The following MAP7D2 variants were observed in gnomAD, a reference collection of about 807,000 sequenced individuals.
The protein encoded by MAP7D2 is MAP7 domain-containing protein 2.
In MAP7D2, 33 loss-of-function variants were observed where a neutral mutation model predicts 63.5. The ratio of observed to expected loss-of-function variants is 0.52; its 90% CI spans 0.39 to 0.70. The LOEUF (loss-of-function observed/expected upper bound fraction) is 0.70. MAP7D2 is among the 30% of genes least tolerant of loss of function. The pLI, the probability that MAP7D2 is intolerant of heterozygous loss-of-function variation, is 0.00. For synonymous variants in MAP7D2, 224 were observed against 223.7 expected (o/e 1.00, Z -0.01); for missense variants, 626 against 604.0 (o/e 1.04, Z -0.38).
At chrX:20,022,675 G>A (rs758260599) in intron 10 of MAP7D2, among the ~76,000 whole-genome samples, 2 of 111,745 alleles carry the variant, frequency 1.8e-5, no homozygotes, top group African/African-American at 3.3e-5. Context: ...TTTTCACTTG[G>A]GTGTCTGAGG....
Position 20,099,235 on chromosome X carries a change from ACTCTCTCT to A in MAP7D2, c.130+17507_130+17514del, listed in dbSNP as rs72039188. ...GTCCTCTGCCACACTGCAAGTTTAT[ACTCTCTCT>A]CTCTCTCTCTCTCTCTCTCTCTCTC... On this transcript the variant is annotated intron_variant, in intron 1 of 16. Transcript: ENST00000379643. Among the ~76,000 whole-genome samples, 678 of 92,835 alleles carry A rather than the reference ACTCTCTCT, an allele frequency of 7.3e-3. 3 individuals are homozygous for A. Among genetic ancestry groups the A allele is most frequent in the Admixed American group, 0.011 (86 of 8,180 alleles). 80.6% of individuals were successfully genotyped at this position (92,835 alleles called of 115,157 possible). A position where few individuals can be genotyped will look rare whatever the true frequency, so the allele number is the denominator to read the frequency against.
intron 3 of MAP7D2, 74 bp downstream of exon 3, chrX:20,063,340 G>A: frequency 8.9e-7 from 1 of 1,119,075 alleles, no homozygotes; most frequent in Non-Finnish European, 1.2e-6. Context: ...CCCAGAGCTG[G>A]GCAGGATGCC....
At chrX:20,091,380 C>T (rs1262257567) in intron 1 of MAP7D2, among the ~76,000 whole-genome samples, 1 of 106,197 alleles carries the variant, frequency 9.4e-6, no homozygotes, top group Non-Finnish European at 1.9e-5. Flanking sequence ...ATAAAAAAAA[C>T]TAGTATTGGC....
intron 10 of MAP7D2, among the ~76,000 whole-genome samples, chrX:20,018,440 C>T (rs1409890314): frequency 1.3e-5 from 1 of 77,419 alleles, no homozygotes; most frequent in Non-Finnish European, 2.3e-5. Context: ...AAATCTTGTC[C>T]TTTTTTTTTT....
chrX:20,049,270 ATTT>A (rs60182799), intron 6 of MAP7D2, among the ~76,000 whole-genome samples: 108 of 81,722 alleles, frequency 1.3e-3, no homozygotes, highest in African/African-American at 3.8e-3. Context: ...ATGTATCTGT[ATTT>A]TTTTTTTTTT....
At chrX:20,084,807 G>A (rs756764283) in intron 1 of MAP7D2, among the ~76,000 whole-genome samples, 1 of 110,960 alleles carries the variant, frequency 9.0e-6, no homozygotes, top group Non-Finnish European at 1.9e-5. Flanking sequence ...GACCTCAAGT[G>A]ATCTATCTAC....
In MAP7D2 at chrX:20,038,070, A is replaced by C. The variant is rs759119849; in HGVS notation, c.1007+4432T>G. Among the ~76,000 whole-genome samples, 95 of 111,823 alleles carry C rather than the reference A, an allele frequency of 8.5e-4. 1 individual carries two copies. The highest frequency in any genetic ancestry group is 4.6e-3 in the Middle Eastern group (1 of 217). On this transcript the variant is annotated intron_variant, in intron 8 of 16. Transcript: ENST00000379643. ...TGAGTGCCCAATCTGCCAGCAGCAG[A>C]GACCAACTCTGAGCCCTCGATATGC...
In MAP7D2 at chrX:20,055,747, G is replaced by C. The variant is rs759924752; in HGVS notation, c.484+933C>G. 9 of 991,279 alleles carry C rather than the reference G, an allele frequency of 9.1e-6. No individual in the cohort carries two copies. The Admixed American group carries it at 1.9e-4, about 21-fold the overall frequency. The allele number at this position is 991,279 out of a possible 1,213,427, so 81.7% of individuals were successfully genotyped here. ...GCTCGGATATACCGTTGGTGGACTC[G>C]GCAGCTGCGGCAGTGGTCCCTGCAT... On this transcript the variant is annotated intron_variant, in intron 4 of 16. Transcript: ENST00000379643.
intron 1 of MAP7D2, among the ~76,000 whole-genome samples, chrX:20,102,671 G>C (rs2066465741): frequency 9.1e-6 from 1 of 109,502 alleles, no homozygotes; most frequent in Non-Finnish European, 1.9e-5. Context: ...TTCTGATACT[G>C]GTGAGGCTCT....
intron 1 of MAP7D2, among the ~76,000 whole-genome samples, chrX:20,107,707 A>G (rs761900628): frequency 8.9e-6 from 1 of 111,877 alleles, no homozygotes; most frequent in Non-Finnish European, 1.9e-5. Context: ...TTAAGATTAC[A>G]TATGTGGCTA....
At chrX:20,104,745 G>C (rs1292372797) in intron 1 of MAP7D2, among the ~76,000 whole-genome samples, 3 of 112,202 alleles carry the variant, frequency 2.7e-5, no homozygotes, top group African/African-American at 9.7e-5. Context: ...AAATTACCCA[G>C]GTACAAGGAA....
chrX:20,071,070 C>G (rs927483901), intron 1 of MAP7D2, among the ~76,000 whole-genome samples: 1 of 112,368 alleles, frequency 8.9e-6, no homozygotes, highest in African/African-American at 3.2e-5. Flanking sequence ...ATGAAGAGCT[C>G]ATCCAATAGG....
chrX:20,084,562 T>TCCCTCCCC (rs1394581332), intron 1 of MAP7D2, among the ~76,000 whole-genome samples: 5 of 23,441 alleles, frequency 2.1e-4, no homozygotes, highest in African/African-American at 7.0e-4. Flanking sequence ...CCTCCCTCCC[T>TCCCTCCCC]CTCTCTCTCT....
At chrX:20,077,311 C>T (rs1201133937) in intron 1 of MAP7D2, among the ~76,000 whole-genome samples, 1 of 111,370 alleles carries the variant, frequency 9.0e-6, no homozygotes, top group Non-Finnish European at 1.9e-5. Flanking sequence ...AAAAATTAGC[C>T]AGGTGTGGTG....
chrX:20,098,328 G>A (rs2066327805), intron 1 of MAP7D2, among the ~76,000 whole-genome samples: 1 of 112,372 alleles, frequency 8.9e-6, no homozygotes, highest in Non-Finnish European at 1.9e-5. Flanking sequence ...CAGATTAAGT[G>A]GGAAATTCTT....
At chrX:20,037,319 G>T (rs764622380) in intron 8 of MAP7D2, among the ~76,000 whole-genome samples, 1 of 111,345 alleles carries the variant, frequency 9.0e-6, no homozygotes, top group African/African-American at 3.3e-5. Flanking sequence ...TACATGATCG[G>T]GCTCGAGCAG....
intron 1 of MAP7D2, among the ~76,000 whole-genome samples, chrX:20,084,133 G>A (rs1040097681): frequency 2.8e-5 from 3 of 107,791 alleles, no homozygotes; most frequent in Non-Finnish European, 3.8e-5. Flanking sequence ...CCCGGGAGGC[G>A]GAGGTTCCAG....
chrX:20,031,291 A>AAAAATAAAATAAAATAAAAT (rs55901756), intron 8 of MAP7D2, among the ~76,000 whole-genome samples: 1 of 85,294 alleles, frequency 1.2e-5, no homozygotes, highest in African/African-American at 4.0e-5. Flanking sequence ...CACCATCTCG[A>AAAAATAAAATAAAATAAAAT]AAAATAAAAT....
chrX:20,069,930 T>C (rs1430241796), intron 1 of MAP7D2, among the ~76,000 whole-genome samples: 6 of 110,422 alleles, frequency 5.4e-5, no homozygotes, highest in Non-Finnish European at 9.5e-5. Context: ...TGTGTCACCA[T>C]GCTTGGCTTT....
Sources: allele counts gnomAD v4.1 joint callset (sites outside exome capture counted in the v4.1 genomes callset), GRCh38; gene constraint gnomAD v4.1.1; transcripts MANE v1.5; gene names NCBI Gene and HGNC (gene_info 2026-07-23, HGNC 2026-07-21).